The following RANBP17 variants were observed in gnomAD, a reference collection of about 807,000 sequenced individuals.
RANBP17 encodes ran-binding protein 17.
In RANBP17, 158 loss-of-function variants were observed where a neutral mutation model predicts 141.2. The observed-to-expected ratio is 1.12, with a 90% CI of 0.98 to 1.28. RANBP17 has a LOEUF of 1.28. Among genes scored for constraint, RANBP17 ranks in the 50% most tolerant of loss-of-function variants. The pLI, the probability that RANBP17 is intolerant of heterozygous loss-of-function variation, is 0.00. For missense variants in RANBP17, 1,438 were observed against 1,290.7 expected (o/e 1.11, Z -1.75); for synonymous variants, 430 against 450.0 (o/e 0.96, Z 0.56).
intron 14 of RANBP17, among the ~76,000 whole-genome samples, chr5:170,976,039 A>G (rs1363122071): frequency 6.6e-6 from 1 of 152,058 alleles, no homozygotes; most frequent in Non-Finnish European, 1.5e-5. Context: ...AAAAAAAAGG[A>G]ATCTAGGAAT....
intron 14 of RANBP17, among the ~76,000 whole-genome samples, chr5:171,097,794 A>G (rs929972583): frequency 1.3e-5 from 2 of 150,212 alleles, no homozygotes; most frequent in Admixed American, 6.6e-5. Context: ...CTTGCCCCAC[A>G]CTCCCCAACA....
At chr5:170,974,651 T>C (rs1777233506) in intron 14 of RANBP17, among the ~76,000 whole-genome samples, 1 of 152,168 alleles carries the variant, frequency 6.6e-6, no homozygotes, top group African/African-American at 2.4e-5. Context: ...GTTGTACAGC[T>C]GAAGCTCCAG....
At chr5:170,903,938 A>G in intron 5 of RANBP17, 2 of 524,718 alleles carry the variant, frequency 3.8e-6, no homozygotes, top group South Asian at 3.0e-5. Flanking sequence ...ATTATCTTGT[A>G]TCAAGCCTAA....
chr5:171,134,661 T>TC, intron 14 of RANBP17, among the ~76,000 whole-genome samples: 1 of 152,304 alleles, frequency 6.6e-6, no homozygotes. Flanking sequence ...CTTTTGAATA[T>TC]TAAATTATAA....
At chr5:171,242,000 T>C (rs1052576680) in intron 23 of RANBP17, among the ~76,000 whole-genome samples, 6 of 151,974 alleles carry the variant, frequency 3.9e-5, no homozygotes, top group African/African-American at 1.4e-4. Flanking sequence ...TTTCTTTTTT[T>C]TTTTTTAGAG....
intron 14 of RANBP17, among the ~76,000 whole-genome samples, chr5:171,112,678 T>A (rs138870520): frequency 2.4e-4 from 36 of 152,138 alleles, no homozygotes; most frequent in African/African-American, 8.7e-4. Context: ...CCAAATAGTA[T>A]TGTCTGCTTG....
At chr5:171,224,061 G>A (rs1044991189) in intron 22 of RANBP17, among the ~76,000 whole-genome samples, 11 of 152,154 alleles carry the variant, frequency 7.2e-5, no homozygotes, top group Admixed American at 3.3e-4. Flanking sequence ...AGAGTTACTC[G>A]CTGTTTATGC....
intron 1 of RANBP17, among the ~76,000 whole-genome samples, chr5:170,874,504 T>C (rs1398416157): frequency 6.6e-6 from 1 of 152,230 alleles, no homozygotes; most frequent in Non-Finnish European, 1.5e-5. Flanking sequence ...TTTATGAATC[T>C]GGATGCTCCT....
chr5:170,967,659 T>C (rs2127528139), intron 13 of RANBP17, among the ~76,000 whole-genome samples: 1 of 151,660 alleles, frequency 6.6e-6, no homozygotes, highest in East Asian at 1.9e-4. Context: ...TTTCTCTTAA[T>C]AATAGTTTAA....
intron 14 of RANBP17, among the ~76,000 whole-genome samples, chr5:171,159,933 A>T (rs972286112): frequency 6.6e-6 from 1 of 150,940 alleles, no homozygotes; most frequent in African/African-American, 2.4e-5. Context: ...AAAAAAAAAA[A>T]AAAAAAAAGA....
At chr5:171,213,535 G>T in intron 20 of RANBP17, 96 bp from the exon 21 acceptor site, 1 of 837,520 alleles carries the variant, frequency 1.2e-6, no homozygotes, top group Non-Finnish European at 2.0e-6. Context: ...TAGAACAAAT[G>T]TGGATTCCCT....
intron 1 of RANBP17, among the ~76,000 whole-genome samples, chr5:170,867,916 C>T (rs1767399280): frequency 6.6e-6 from 1 of 152,112 alleles, no homozygotes; most frequent in African/African-American, 2.4e-5. Context: ...GTTTTTCCCC[C>T]ACTCCTCTGC....
intron 14 of RANBP17, among the ~76,000 whole-genome samples, chr5:171,166,814 T>C (rs1759731900): frequency 6.6e-6 from 1 of 152,222 alleles, no homozygotes; most frequent in Non-Finnish European, 1.5e-5. Flanking sequence ...AATCATACAT[T>C]GATTTTAAAT....
At chr5:171,051,957 A>G (rs1009365407) in intron 14 of RANBP17, among the ~76,000 whole-genome samples, 4 of 151,906 alleles carry the variant, frequency 2.6e-5, no homozygotes, top group Non-Finnish European at 5.9e-5. Flanking sequence ...GGTAGGTGTG[A>G]GATTATAGCT....
chr5:171,067,967 T>C (rs955979493), intron 14 of RANBP17, among the ~76,000 whole-genome samples: 2 of 152,174 alleles, frequency 1.3e-5, no homozygotes, highest in Non-Finnish European at 2.9e-5. Context: ...TTCTCTTCCT[T>C]ACTGCTCCTT....
At chr5:171,101,675 A>G (rs1787175768) in intron 14 of RANBP17, among the ~76,000 whole-genome samples, 1 of 152,160 alleles carries the variant, frequency 6.6e-6, no homozygotes, top group Non-Finnish European at 1.5e-5. Context: ...TAGTTGATGC[A>G]GTTTCTTCAA....
chr5:171,287,807 A>G (rs139074253), intron 25 of RANBP17, among the ~76,000 whole-genome samples: 265 of 151,446 alleles, frequency 1.7e-3, no homozygotes, highest in African/African-American at 5.7e-3. Flanking sequence ...GCTCACTGCA[A>G]CCTCCACCTC....
intron 13 of RANBP17, among the ~76,000 whole-genome samples, chr5:170,957,359 A>C (rs1340443676): frequency 6.6e-6 from 1 of 152,118 alleles, no homozygotes; most frequent in Non-Finnish European, 1.5e-5. Context: ...GGAAAGGGAA[A>C]GTAAGTGAGA....
At chr5:171,186,526 CTTTTTTTTTTT>C (rs757585137) in intron 18 of RANBP17, among the ~76,000 whole-genome samples, 8 of 41,664 alleles carry the variant, frequency 1.9e-4, no homozygotes, top group South Asian at 1.6e-3. Context: ...GTATGATTTT[CTTTTTTTTTTT>C]TTTTTTTTTT....
Sources: allele counts gnomAD v4.1 joint callset (sites outside exome capture counted in the v4.1 genomes callset), GRCh38; gene constraint gnomAD v4.1.1; transcripts MANE v1.5; gene names NCBI Gene and HGNC (gene_info 2026-07-23, HGNC 2026-07-21).